RORA: variants seen among roughly 807,000 people sequenced by gnomAD.
RORA encodes RAR related orphan receptor A.
A neutral mutation model predicts 69.5 loss-of-function variants in RORA; 7 were observed. The ratio of observed to expected loss-of-function variants is 0.10; its 90% CI spans 0.06 to 0.19. The LOEUF (loss-of-function observed/expected upper bound fraction) is 0.19, where lower values mean the gene tolerates loss of function less well. Among genes scored for constraint, RORA ranks in the 10% least tolerant of loss-of-function variants. The probability of loss-of-function intolerance (pLI) is 1.00; values close to 1 mark genes in which losing one functional copy is unlikely to be tolerated. For missense variants in RORA, 457 were observed against 663.0 expected (o/e 0.69, Z 3.41); for synonymous variants, 261 against 240.8 (o/e 1.08, Z -0.78).
At chr15:61,197,857 G>A (rs1343557786) in intron 1 of RORA, among the ~76,000 whole-genome samples, 1 of 151,356 alleles carries the variant, frequency 6.6e-6, no homozygotes, top group Non-Finnish European at 1.5e-5. Flanking sequence ...TATAACCAGG[G>A]AAGAGCCCAC....
chr15:60,878,529 C>T (rs2073644915), intron 1 of RORA, among the ~76,000 whole-genome samples: 1 of 152,106 alleles, frequency 6.6e-6, no homozygotes, highest in African/African-American at 2.4e-5. Context: ...GTGTTGAAAC[C>T]ACCTTGATCT....
At chr15:60,871,619 G>A (rs2073557124) in intron 1 of RORA, among the ~76,000 whole-genome samples, 1 of 152,180 alleles carries the variant, frequency 6.6e-6, no homozygotes. Flanking sequence ...TTCCAAAGCT[G>A]AATGGTTTTT....
intron 1 of RORA, among the ~76,000 whole-genome samples, chr15:60,855,850 C>T (rs558745937): frequency 3.3e-5 from 5 of 152,294 alleles, no homozygotes; most frequent in East Asian, 1.9e-4. Flanking sequence ...CTCCTGACAA[C>T]GTGATCCATC....
At chr15:60,888,877 A>C (rs943491939) in intron 1 of RORA, among the ~76,000 whole-genome samples, 4 of 109,718 alleles carry the variant, frequency 3.6e-5, no homozygotes, top group Non-Finnish European at 7.0e-5. Context: ...TGACCAGGGG[A>C]TGGGCAGAGG....
chr15:60,915,601 G>A (rs1022597719), intron 1 of RORA, among the ~76,000 whole-genome samples: 2 of 152,106 alleles, frequency 1.3e-5, no homozygotes, highest in African/African-American at 4.8e-5. Context: ...CTTGAAATGC[G>A]GTATGACTTA....
intron 2 of RORA, among the ~76,000 whole-genome samples, chr15:60,651,802 TGA>T (rs2070146508): frequency 6.6e-6 from 1 of 152,172 alleles, no homozygotes; most frequent in African/African-American, 2.4e-5. Context: ...CACCTAAATC[TGA>T]GAGAGATAAA....
At chr15:61,155,542 G>A (rs187085832) in intron 1 of RORA, among the ~76,000 whole-genome samples, 7 of 152,208 alleles carry the variant, frequency 4.6e-5, no homozygotes, top group African/African-American at 1.2e-4. Context: ...TTTTAAATAC[G>A]CCCTAGCTGT....
intron 2 of RORA, among the ~76,000 whole-genome samples, chr15:60,600,382 T>C (rs1596040379): frequency 6.6e-6 from 1 of 152,338 alleles, no homozygotes; most frequent in Middle Eastern, 3.4e-3. Context: ...ACTCATTTTA[T>C]AACTATTGAC....
intron 1 of RORA, among the ~76,000 whole-genome samples, chr15:61,053,257 A>C (rs1273300187): frequency 1.3e-5 from 2 of 151,340 alleles, no homozygotes; most frequent in African/African-American, 4.9e-5. Context: ...TGTCAGCTGC[A>C]AAAACATTTT....
At chr15:60,926,407 G>A (rs1032848791) in intron 1 of RORA, among the ~76,000 whole-genome samples, 7 of 152,286 alleles carry the variant, frequency 4.6e-5, no homozygotes, top group African/African-American at 1.7e-4. Flanking sequence ...AGCAGTACTT[G>A]GAGACCGAGT....
At chr15:61,119,401 A>G (rs1324663296) in intron 1 of RORA, among the ~76,000 whole-genome samples, 9 of 149,820 alleles carry the variant, frequency 6.0e-5, no homozygotes, top group Non-Finnish European at 1.3e-4. Context: ...ATATATATAT[A>G]TATATACACA....
At chr15:60,742,357 C>T (rs1459400266) in intron 1 of RORA, among the ~76,000 whole-genome samples, 2 of 151,640 alleles carry the variant, frequency 1.3e-5, no homozygotes, top group African/African-American at 4.9e-5. Context: ...ACAGAGTAAA[C>T]TTTTCTTTAT....
rs528507716 is a variant in RORA at position 60,967,354 on chromosome 15, C to T, written c.166+261699G>A. Reference sequence around the variant, plus strand: ...CATTACCCCTACCCCCAAATATTACCAATTAACAGAGAATTTGAATTGGGA... The same window carrying T: ...CATTACCCCTACCCCCAAATATTACTAATTAACAGAGAATTTGAATTGGGA... On this transcript the variant is annotated intron_variant, in intron 1 of 10. Transcript: ENST00000335670. Among the ~76,000 whole-genome samples the T allele has an allele frequency of 1.3e-4, 20 of 152,208 alleles. No individual in the cohort carries two copies. The South Asian group carries it at 3.9e-3, about 30-fold the overall frequency.
At chr15:61,043,872 C>G (rs1896901816) in intron 1 of RORA, among the ~76,000 whole-genome samples, 1 of 152,084 alleles carries the variant, frequency 6.6e-6, no homozygotes, top group African/African-American at 2.4e-5. Context: ...ACTGTGTAGC[C>G]TGCTCTTGTG....
chr15:60,879,944 T>A (rs1320226353), intron 1 of RORA, among the ~76,000 whole-genome samples: 1 of 152,212 alleles, frequency 6.6e-6, no homozygotes, highest in Non-Finnish European at 1.5e-5. Context: ...TGTGGGATTG[T>A]CACTGGGTCA....
intron 1 of RORA, among the ~76,000 whole-genome samples, chr15:60,805,974 T>G (rs1362011764): frequency 6.6e-6 from 1 of 152,242 alleles, no homozygotes; most frequent in Non-Finnish European, 1.5e-5. Flanking sequence ...AATTCTTCTC[T>G]CTGTCCCAGG....
At chr15:60,668,831 G>A (rs927874237) in intron 2 of RORA, among the ~76,000 whole-genome samples, 6 of 152,102 alleles carry the variant, frequency 3.9e-5, no homozygotes, top group African/African-American at 1.4e-4. Flanking sequence ...TAAGTAAAAC[G>A]ACAGAAACAT....
intron 1 of RORA, among the ~76,000 whole-genome samples, chr15:61,150,140 AT>A (rs1216356583): frequency 4.6e-5 from 7 of 152,252 alleles, no homozygotes; most frequent in South Asian, 2.1e-4. Flanking sequence ...CCAAGCTTAT[AT>A]AGTATCTTCA....
intron 1 of RORA, among the ~76,000 whole-genome samples, chr15:61,065,468 A>T (rs11632230): frequency 0.11 from 17,215 of 152,148 alleles, 1,167 homozygotes; most frequent in Admixed American, 0.18. Context: ...TATTTTCCAC[A>T]TTGACTGGTT....
Sources: allele counts gnomAD v4.1 joint callset (sites outside exome capture counted in the v4.1 genomes callset), GRCh38; gene constraint gnomAD v4.1.1; transcripts MANE v1.5; gene names NCBI Gene and HGNC (gene_info 2026-07-23, HGNC 2026-07-21).